The following OPRD1 variants were observed in gnomAD, a reference collection of about 807,000 sequenced individuals.
The protein encoded by OPRD1 is opioid receptor delta 1, also known as delta-type opioid receptor.
OPRD1 carries 19 observed loss-of-function variants against 17.5 expected under a neutral mutation model. The observed-to-expected ratio is 1.09, with a 90% CI of 0.76 to 1.60. The LOEUF is 1.60. Among genes scored for constraint, OPRD1 ranks in the 40% most tolerant of loss-of-function variants. OPRD1 has a pLI of 0.00. For missense variants in OPRD1, 483 were observed against 547.2 expected (o/e 0.88, Z 1.17); for synonymous variants, 256 against 240.9 (o/e 1.06, Z -0.58).
intron 2 of OPRD1, among the ~76,000 whole-genome samples, chr1:28,861,078 A>T (rs1171140774): frequency 6.6e-6 from 1 of 152,098 alleles, no homozygotes. Flanking sequence ...TGTGACCTTA[A>T]ACAAGTGCTG....
rs1458060397 is a variant in OPRD1 at position 28,863,325 on chromosome 1, G to A, written c.*42G>A. On this transcript the variant is annotated 3_prime_UTR_variant, in exon 3 of 3. Transcript: ENST00000234961. ...CCAGAGCGCCCCTCCCTAGTGACCC[G>A]GAGGCCACATGAGTCCCAGTGGGAG... is the stretch of plus-strand genomic sequence containing the variant. 4.3e-6 allele frequency: 6 copies of A among 1,405,356 alleles called. No homozygotes were observed. Among genetic ancestry groups the A allele is most frequent in the Admixed American group, 3.4e-5 (1 of 29,478 alleles). The allele number at this position is 1,405,356 out of a possible 1,614,324, so 87.1% of individuals were successfully genotyped here. A position where few individuals can be genotyped will look rare whatever the true frequency, so the allele number is the denominator to read the frequency against.
intron 1 of OPRD1, among the ~76,000 whole-genome samples, chr1:28,857,290 T>C (rs537182818): frequency 3.3e-5 from 5 of 152,268 alleles, no homozygotes; most frequent in African/African-American, 1.2e-4. Context: ...CTTTTTACAG[T>C]TATGGATGCA....
At chr1:28,831,365 C>T (rs545463139) in intron 1 of OPRD1, among the ~76,000 whole-genome samples, 113 of 152,228 alleles carry the variant, frequency 7.4e-4, no homozygotes, top group African/African-American at 2.5e-3. Flanking sequence ...AAAAATTAGC[C>T]GGGCGTGGTG....
In OPRD1 at chr1:28,868,964, C is replaced by G. The variant is rs1053072226; in HGVS notation, c.*5681C>G. 2.0e-5 allele frequency: 3 copies of G among 152,208 alleles called. No individual in the cohort carries two copies. The highest frequency in any genetic ancestry group is 7.2e-5 in the African/African-American group (3 of 41,422). 9.4% of individuals were successfully genotyped at this position (152,208 alleles called of 1,614,324 possible). A position where few individuals can be genotyped will look rare whatever the true frequency, so the allele number is the denominator to read the frequency against. ...GCTGGGTCTCTGTCCAAAGGCCAGC[C>G]CTCTCTTTGTGTCAGCCGCAGATCC... On this transcript the variant is annotated 3_prime_UTR_variant, in exon 3 of 3. Coordinates refer to ENST00000234961, the MANE Select transcript of OPRD1 (RefSeq NM_000911.4).
intron 1 of OPRD1, among the ~76,000 whole-genome samples, chr1:28,833,517 G>T (rs1162193595): frequency 2.0e-5 from 3 of 152,158 alleles, no homozygotes; most frequent in Non-Finnish European, 4.4e-5. Flanking sequence ...TGTTCATAAG[G>T]CCTTTGAACT....
intron 1 of OPRD1, among the ~76,000 whole-genome samples, chr1:28,847,349 G>A (rs1351882966): frequency 2.0e-5 from 3 of 151,616 alleles, no homozygotes; most frequent in African/African-American, 7.3e-5. Flanking sequence ...ACCGCGCCCA[G>A]CCGAGCCTGT....
rs2089203542 is a variant in OPRD1, at chr1:28,870,026, A to G, written c.*6743A>G. The G allele has an allele frequency of 6.6e-6, 1 of 152,182 alleles. No homozygotes were observed. Among genetic ancestry groups the G allele is most frequent in the African/African-American group, 2.4e-5 (1 of 41,438 alleles). The allele number at this position is 152,182 out of a possible 1,614,324, so 9.4% of individuals were successfully genotyped here. A position where few individuals can be genotyped will look rare whatever the true frequency, so the allele number is the denominator to read the frequency against. ...GGATGACAGCACTTAGCTGATGAGA[A>G]GTTGAGAAGATTCAGAAAGAGGCTA... is the stretch of plus-strand genomic sequence containing the variant. On this transcript the variant is annotated 3_prime_UTR_variant, in exon 3 of 3. Transcript: ENST00000234961.
chr1:28,833,512 A>G (rs948233238), intron 1 of OPRD1, among the ~76,000 whole-genome samples: 1 of 152,202 alleles, frequency 6.6e-6, no homozygotes, highest in Non-Finnish European at 1.5e-5. Context: ...TGTTTTGTTC[A>G]TAAGGCCTTT....
chr1:28,849,355 T>C (rs2088979325), intron 1 of OPRD1, among the ~76,000 whole-genome samples: 1 of 152,128 alleles, frequency 6.6e-6, no homozygotes, highest in African/African-American at 2.4e-5. Context: ...GGGGAGATTA[T>C]TTTCTGAAGG....
At chr1:28,814,787 GGCC>G (rs2088660551) in intron 1 of OPRD1, among the ~76,000 whole-genome samples, 1 of 152,166 alleles carries the variant, frequency 6.6e-6, no homozygotes, top group Non-Finnish European at 1.5e-5. Flanking sequence ...CAGCTTAGTG[GGCC>G]CCTAGGGGTC....
intron 1 of OPRD1, among the ~76,000 whole-genome samples, chr1:28,846,720 G>A (rs1011538372): frequency 5.3e-5 from 8 of 150,702 alleles, no homozygotes; most frequent in African/African-American, 1.7e-4. Context: ...GAGAGAGAGC[G>A]AGCAAGCTCT....
intron 1 of OPRD1, among the ~76,000 whole-genome samples, chr1:28,846,732 T>TG (rs2088948031): frequency 6.6e-6 from 1 of 151,028 alleles, no homozygotes; most frequent in Non-Finnish European, 1.5e-5. Flanking sequence ...GCAAGCTCTC[T>TG]GGGGCCTCTC....
At chr1:28,813,490 G>A (rs113190538) in intron 1 of OPRD1, among the ~76,000 whole-genome samples, 1,539 of 152,256 alleles carry the variant, frequency 0.01, 29 homozygotes, top group African/African-American at 0.033. Flanking sequence ...GGCGGGAGTG[G>A]ATTTTGAGTT....
chr1:28,858,198 C>T (rs1400317307), intron 1 of OPRD1, among the ~76,000 whole-genome samples: 5 of 149,498 alleles, frequency 3.3e-5, no homozygotes, highest in Admixed American at 2.0e-4. Context: ...ACTGCAAGCT[C>T]CGCCTCCCGG....
intron 1 of OPRD1, among the ~76,000 whole-genome samples, chr1:28,824,603 C>T (rs963517441): frequency 6.6e-6 from 1 of 151,954 alleles, no homozygotes; most frequent in Admixed American, 6.6e-5. Context: ...CAGGCGTGAG[C>T]CACTGTGCCT....
chr1:28,823,387 G>GTTTGTTTATTTATTTATTTA (rs1298363911), intron 1 of OPRD1, among the ~76,000 whole-genome samples: 2 of 140,918 alleles, frequency 1.4e-5, no homozygotes, highest in Admixed American at 7.1e-5. Flanking sequence ...TTATTTGTTT[G>GTTTGTTTATTTATTTATTTA]TTTATTTATT....
chr1:28,863,133 G>A lies in OPRD1; in HGVS notation c.969G>A (p.Glu323=). The A allele has an allele frequency of 6.2e-7, 1 of 1,609,248 alleles. No individual in the cohort carries two copies. Among genetic ancestry groups the A allele is most frequent in the Non-Finnish European group, 8.5e-7 (1 of 1,179,204 alleles). The change falls in exon 3 of 3, where the codon GAG becomes GAA. Residue 323 remains glutamate, a synonymous_variant. Transcript: ENST00000234961. The part of the protein sequence containing the change: ...LNPVLYAFLD[E]NFKRCFRQLC... ...CCGTGCTCTACGCTTTCCTCGACGA[G>A]AACTTCAAGCGCTGCTTCCGCCAGC...
chr1:28,815,716 G>C (rs1006969844), intron 1 of OPRD1, among the ~76,000 whole-genome samples: 1 of 152,230 alleles, frequency 6.6e-6, no homozygotes, highest in Admixed American at 6.5e-5. Context: ...AGCCCAAGCA[G>C]GGCCTGCCAC....
intron 1 of OPRD1, among the ~76,000 whole-genome samples, chr1:28,842,731 C>A (rs918616614): frequency 2.6e-5 from 4 of 151,972 alleles, no homozygotes; most frequent in African/African-American, 7.3e-5. Context: ...CTTTCCAGTC[C>A]CTACCCCCTG....
Sources: allele counts gnomAD v4.1 joint callset (sites outside exome capture counted in the v4.1 genomes callset), GRCh38; gene constraint gnomAD v4.1.1; transcripts MANE v1.5; gene names NCBI Gene and HGNC (gene_info 2026-07-23, HGNC 2026-07-21).